Variants in DNAH14 observed in about 807,000 individuals in gnomAD.
DNAH14 encodes dynein axonemal heavy chain 14.
Under a neutral mutation model 520.9 loss-of-function variants are expected in DNAH14, and 478 were observed. The ratio of observed to expected loss-of-function variants is 0.92; its 90% confidence interval spans 0.85 to 0.99. DNAH14 has a LOEUF of 0.99. DNAH14 is among the 50% of genes least tolerant of loss of function. DNAH14 has a pLI of 0.00. For synonymous variants in DNAH14, 1,581 were observed against 1,757.2 expected, an observed-to-expected ratio of 0.90 and a Z score of 2.51; for missense variants, 4,831 against 5,234.5, an observed-to-expected ratio of 0.92 and a Z score of 2.38.
intron 79 of DNAH14, among the ~76,000 whole-genome samples, chr1:225,378,664 C>T (rs924101816): frequency 1.3e-5 from 2 of 151,950 alleles, no homozygotes; most frequent in Non-Finnish European, 2.9e-5. Flanking sequence ...GGGTGGGTCA[C>T]GAGGTCAGGA....
At chr1:225,009,875 C>G (rs954181742) in intron 10 of DNAH14, among the ~76,000 whole-genome samples, 8 of 152,118 alleles carry the variant, frequency 5.3e-5, no homozygotes, top group Non-Finnish European at 1.2e-4. Flanking sequence ...TGGGAGTTTG[C>G]TCATGATTAG....
At chr1:225,357,944 C>T (rs1575002062) in intron 73 of DNAH14, 2 of 667,078 alleles carry the variant, frequency 3.0e-6, no homozygotes, top group East Asian at 5.5e-5. Context: ...TCCAGTATAC[C>T]CTGAACCTCT....
intron 41 of DNAH14, among the ~76,000 whole-genome samples, chr1:225,210,580 TCAGCAGACTTAAA>T (rs1235372554): frequency 6.6e-6 from 1 of 152,158 alleles, no homozygotes; most frequent in Admixed American, 6.5e-5. Flanking sequence ...GGCTGCTGCT[TCAGCAGACTTAAA>T]CATTCCTTCT....
chr1:224,981,956 G>C (rs2062301518), intron 8 of DNAH14, among the ~76,000 whole-genome samples: 1 of 152,158 alleles, frequency 6.6e-6, no homozygotes, highest in African/African-American at 2.4e-5. Flanking sequence ...TGAACAGGCT[G>C]AAGGCAGCCG....
intron 8 of DNAH14, among the ~76,000 whole-genome samples, chr1:224,979,684 TCCGCTAACC>T (rs2062124044): frequency 6.6e-6 from 1 of 152,166 alleles, no homozygotes; most frequent in African/African-American, 2.4e-5. Context: ...TGCACCTACC[TCCGCTAACC>T]CCAGGCAGCA....
chr1:225,083,880 A>C (rs1190815637), intron 20 of DNAH14, among the ~76,000 whole-genome samples: 4 of 152,184 alleles, frequency 2.6e-5, no homozygotes, highest in Non-Finnish European at 5.9e-5. Context: ...TGATATTTTT[A>C]TATCCAGTCT....
chr1:225,345,557 C>T (rs1404803286), intron 69 of DNAH14, among the ~76,000 whole-genome samples: 1 of 152,092 alleles, frequency 6.6e-6, no homozygotes, highest in Non-Finnish European at 1.5e-5. Context: ...AAATAGAATA[C>T]AATACAAAAT....
chr1:225,039,810 G>A (rs7522141), intron 12 of DNAH14, among the ~76,000 whole-genome samples: 91,730 of 125,122 alleles, frequency 0.73, 36,455 homozygotes, highest in Non-Finnish European at 0.88. Flanking sequence ...CCCGGGAGGC[G>A]GAGCTTGCAG....
Position 225,042,569 on chromosome 1 carries a change from A to G in DNAH14, c.1489-266A>G, listed in dbSNP as rs577177640. On this transcript the variant is annotated intron_variant, in intron 12 of 85. Coordinates refer to ENST00000682510, the MANE Select transcript of DNAH14 (RefSeq NM_001367479.1). The stretch of plus-strand genomic sequence containing the variant: ...TAGGACCTAAGAATTTGTATTTTAA[A>G]TAGGCACTCAGTGACTAGGACTAAT... 3.9e-5 allele frequency among the ~76,000 whole-genome samples: 6 copies of G among 152,284 alleles called. No individual in the cohort carries two copies. In the South Asian group the frequency reaches 1.2e-3, roughly 32 times the overall value.
chr1:225,147,731 C>G (rs2080086831), intron 31 of DNAH14, among the ~76,000 whole-genome samples: 1 of 152,084 alleles, frequency 6.6e-6, no homozygotes, highest in Non-Finnish European at 1.5e-5. Flanking sequence ...ATTATTTAAT[C>G]ACCCAGGTAT....
Position 225,307,460 on chromosome 1 carries a change from G to A in DNAH14, c.9006-1G>A, listed in dbSNP as rs187892064. On this transcript the variant is annotated splice_acceptor_variant, in intron 58 of 85. Transcript: ENST00000682510. LOFTEE classifies it high-confidence loss of function. ...CTTCTTAATACTTTTTCTTCCTTCA[G>A]GGATCGCTTCCATATGGGTCTATCC... The A allele has an allele frequency of 6.6e-7, 1 of 1,524,142 alleles. No individual in the cohort carries two copies. The highest frequency in any genetic ancestry group is 2.5e-5 in the East Asian group (1 of 40,094). 94.4% of individuals were successfully genotyped at this position (1,524,142 alleles called of 1,614,324 possible). A position where few individuals can be genotyped will look rare whatever the true frequency, so the allele number is the denominator to read the frequency against.
chr1:225,374,263 TA>T (rs751001847), intron 77 of DNAH14, among the ~76,000 whole-genome samples: 8,163 of 98,992 alleles, frequency 0.082, 550 homozygotes, highest in East Asian at 0.24. Flanking sequence ...TATATATATA[TA>T]TATATATTTT....
intron 41 of DNAH14, among the ~76,000 whole-genome samples, chr1:225,215,815 A>G (rs2089225346): frequency 6.6e-6 from 1 of 152,178 alleles, no homozygotes; most frequent in East Asian, 1.9e-4. Flanking sequence ...GGTATCCTGA[A>G]TACAGCACTC....
At chr1:224,939,759 A>C (rs577143473) in intron 1 of DNAH14, among the ~76,000 whole-genome samples, 2 of 152,334 alleles carry the variant, frequency 1.3e-5, no homozygotes, top group East Asian at 3.9e-4. Context: ...GAGAAGACTT[A>C]GAATATTGAA....
At chr1:225,103,288 T>G (rs1303595462) in intron 23 of DNAH14, among the ~76,000 whole-genome samples, 3 of 152,368 alleles carry the variant, frequency 2.0e-5, no homozygotes, top group African/African-American at 2.4e-5. Context: ...TTTTGGTTAC[T>G]ATAGCCTTGT....
chr1:225,198,534 G>A (rs150914026), intron 38 of DNAH14, among the ~76,000 whole-genome samples: 338 of 152,178 alleles, frequency 2.2e-3, no homozygotes, highest in African/African-American at 7.7e-3. Context: ...TGCCAATTTT[G>A]CTGAGACTTT....
chr1:225,295,225 A>G (rs552730492), intron 55 of DNAH14, among the ~76,000 whole-genome samples: 1 of 150,582 alleles, frequency 6.6e-6, no homozygotes, highest in South Asian at 2.1e-4. Context: ...TTGATCTTTG[A>G]TATTGTTTTT....
rs376324446 is a variant in DNAH14, at chr1:225,243,364, A to G, written c.6748+2542A>G. On this transcript the variant is annotated intron_variant, in intron 43 of 85. Coordinates refer to ENST00000682510, the MANE Select transcript of DNAH14 (RefSeq NM_001367479.1). ...TATAGAACTATAAAACCACCAAAGTAGAAATGAGGAAAAAGAAAAAAAGGG... is the reference window on the plus strand; with the variant it reads ...TATAGAACTATAAAACCACCAAAGTGGAAATGAGGAAAAAGAAAAAAAGGG... Among the ~76,000 whole-genome samples, 447 of 152,274 alleles carry G rather than the reference A, an allele frequency of 2.9e-3. 4 individuals are homozygous for G. The highest frequency in any genetic ancestry group is 0.012 in the South Asian group (60 of 4,828).
At chr1:225,370,079 C>A (rs564805955) in intron 77 of DNAH14, among the ~76,000 whole-genome samples, 6 of 152,030 alleles carry the variant, frequency 3.9e-5, no homozygotes, top group Non-Finnish European at 8.8e-5. Flanking sequence ...CACCTAAGGT[C>A]GGGAGTTAGA....
Sources: allele counts gnomAD v4.1 joint callset (sites outside exome capture counted in the v4.1 genomes callset), GRCh38; gene constraint gnomAD v4.1.1; transcripts MANE v1.5; gene names NCBI Gene and HGNC (gene_info 2026-07-23, HGNC 2026-07-21).